RPN2: variants seen among roughly 807,000 people sequenced by gnomAD.
RPN2 encodes ribophorin II, also known as dolichyl-diphosphooligosaccharide--protein glycosyltransferase subunit 2.
RPN2 carries 29 observed loss-of-function variants against 71.4 expected under a neutral mutation model. The observed-to-expected ratio is 0.41, with a 90% CI of 0.30 to 0.55. The LOEUF is 0.55. RPN2 is among the 20% of genes least tolerant of loss of function. The probability of loss-of-function intolerance (pLI) is 0.35; values close to 1 mark genes in which losing one functional copy is unlikely to be tolerated. For synonymous variants in RPN2, 308 were observed against 305.0 expected, an observed-to-expected ratio of 1.01 and a Z score of -0.10; for missense variants, 726 against 774.1, an observed-to-expected ratio of 0.94 and a Z score of 0.74.
At chr20:37,208,645 C>T (rs2067579362) in intron 7 of RPN2, among the ~76,000 whole-genome samples, 1 of 152,230 alleles carries the variant, frequency 6.6e-6, no homozygotes, top group African/African-American at 2.4e-5. Context: ...ACAGTCCTCC[C>T]TTTCACTCAG....
chr20:37,232,814 CA>C (rs1367465531), intron 14 of RPN2, among the ~76,000 whole-genome samples: 1 of 152,090 alleles, frequency 6.6e-6, no homozygotes, highest in South Asian at 2.1e-4. Flanking sequence ...TGCAGCTTTT[CA>C]AAGAATGGAT....
intron 8 of RPN2, among the ~76,000 whole-genome samples, chr20:37,212,817 T>C (rs553231088): frequency 2.6e-5 from 4 of 152,298 alleles, no homozygotes; most frequent in Middle Eastern, 3.4e-3. Flanking sequence ...TAATAAGTTA[T>C]TGAGATCAGG....
intron 4 of RPN2, among the ~76,000 whole-genome samples, chr20:37,199,466 G>C (rs1004416655): frequency 1.3e-5 from 2 of 152,242 alleles, no homozygotes; most frequent in African/African-American, 4.8e-5. Flanking sequence ...GGCAAGCGCT[G>C]AGCCAGAGCA....
chr20:37,215,262 C>T (rs1194083076), intron 9 of RPN2, among the ~76,000 whole-genome samples: 2 of 152,158 alleles, frequency 1.3e-5, no homozygotes, highest in African/African-American at 4.8e-5. Flanking sequence ...TTGACCTTTT[C>T]AAAAATGCGG....
intron 9 of RPN2, among the ~76,000 whole-genome samples, chr20:37,223,022 A>G (rs1006265452): frequency 2.0e-5 from 3 of 152,234 alleles, no homozygotes; most frequent in Non-Finnish European, 4.4e-5. Context: ...TAGATTCTTT[A>G]GGTGGTCAAC....
At chr20:37,238,527 C>G in intron 16 of RPN2, 4 of 1,039,010 alleles carry the variant, frequency 3.8e-6, no homozygotes, top group Non-Finnish European at 5.9e-6. Flanking sequence ...TCAGTTATCT[C>G]TCTAGTTTTC....
chr20:37,199,301 C>A, intron 4 of RPN2, 76 bp downstream of exon 4: 1 of 1,560,096 alleles, frequency 6.4e-7, no homozygotes, highest in Non-Finnish European at 8.7e-7. Flanking sequence ...TTCATTGGTT[C>A]AGCAAATACT....
At chr20:37,183,369 C>G (rs1394082966) in intron 1 of RPN2, among the ~76,000 whole-genome samples, 1 of 152,184 alleles carries the variant, frequency 6.6e-6, no homozygotes, top group Non-Finnish European at 1.5e-5. Flanking sequence ...GCACCTGCCA[C>G]CACACCCAGC....
intron 16 of RPN2, among the ~76,000 whole-genome samples, chr20:37,239,317 G>A (rs2068489455): frequency 6.6e-6 from 1 of 152,180 alleles, no homozygotes; most frequent in Non-Finnish European, 1.5e-5. Context: ...GTGGTGGGCT[G>A]GATTTGGCCT....
At chr20:37,209,157 G>A (rs2067592751) in intron 7 of RPN2, among the ~76,000 whole-genome samples, 1 of 152,194 alleles carries the variant, frequency 6.6e-6, no homozygotes, top group South Asian at 2.1e-4. Context: ...TGTGCAATAA[G>A]GATTATTCTA....
At chr20:37,202,812 G>A (rs988067412) in intron 4 of RPN2, among the ~76,000 whole-genome samples, 4 of 152,182 alleles carry the variant, frequency 2.6e-5, no homozygotes, top group African/African-American at 9.7e-5. Context: ...GACACAGATT[G>A]TATGATTCCA....
At chr20:37,211,772 G>T (rs146604203) in intron 8 of RPN2, among the ~76,000 whole-genome samples, 3 of 147,034 alleles carry the variant, frequency 2.0e-5, no homozygotes, top group African/African-American at 7.5e-5. Context: ...TACTCTTGTT[G>T]CCCAGGCTGG....
chr20:37,201,387 C>T (rs760103128), intron 4 of RPN2, among the ~76,000 whole-genome samples: 3 of 149,590 alleles, frequency 2.0e-5, no homozygotes, highest in Non-Finnish European at 3.0e-5. Context: ...TGGGCGTGAG[C>T]GATTCTCCCA....
At chr20:37,238,408 T>TGCAGA in intron 16 of RPN2, 3 of 1,609,332 alleles carry the variant, frequency 1.9e-6, no homozygotes, top group East Asian at 2.2e-5. Flanking sequence ...GCAGGATCGC[T>TGCAGA]GCAGAGCAGA....
Position 37,229,991 on chromosome 20 carries a change from T to C in RPN2, c.1513T>C (p.Phe505Leu), listed in dbSNP as rs780335292. ...LWNVADVVIK[F>L]PEEEAPSTVL... Reference sequence around the variant, plus strand: ...TTTCTAGGCTGATGTGGTCATCAAGTTCCCTGAGGAAGAAGCTCCCTCGAC... The same window carrying C: ...TTTCTAGGCTGATGTGGTCATCAAGCTCCCTGAGGAAGAAGCTCCCTCGAC... Residue 505 changes from phenylalanine (F) to leucine (L), a missense_variant, in exon 13 of 17, where the codon TTC (phenylalanine) becomes CTC (leucine). Transcript: ENST00000237530. 1.9e-6 allele frequency: 3 copies of C among 1,613,992 alleles called. No homozygotes were observed. The African/African-American group carries it at 4.0e-5, about 22-fold the overall frequency.
intron 4 of RPN2, among the ~76,000 whole-genome samples, chr20:37,200,761 CAT>C (rs936938997): frequency 6.6e-6 from 1 of 152,126 alleles, no homozygotes; most frequent in African/African-American, 2.4e-5. Flanking sequence ...TTTCAGGTGA[CAT>C]ATTTTGATAT....
intron 8 of RPN2, among the ~76,000 whole-genome samples, chr20:37,212,231 A>G (rs1211652237): frequency 3.9e-5 from 6 of 152,048 alleles, no homozygotes; most frequent in Non-Finnish European, 5.9e-5. Flanking sequence ...GTGAGCCATG[A>G]TCATACCATA....
At chr20:37,195,400 G>A (rs906371061) in intron 2 of RPN2, among the ~76,000 whole-genome samples, 2 of 152,224 alleles carry the variant, frequency 1.3e-5, no homozygotes, top group African/African-American at 4.8e-5. Context: ...TTTTTAGTGG[G>A]CTCTTGAGAA....
chr20:37,205,766 C>A (rs1165022226), intron 6 of RPN2, among the ~76,000 whole-genome samples: 1 of 152,140 alleles, frequency 6.6e-6, no homozygotes, highest in Non-Finnish European at 1.5e-5. Flanking sequence ...GAAATATACT[C>A]CCTTTTAATT....
Sources: gnomAD v4.1 joint callset for allele counts (sites outside exome capture counted in the v4.1 genomes callset) on GRCh38, gnomAD v4.1.1 for gene constraint, MANE v1.5 for transcripts, NCBI Gene and HGNC (gene_info 2026-07-23, HGNC 2026-07-21) for gene names.